The following KMT2E variants were observed in gnomAD, a reference collection of about 807,000 sequenced individuals.
KMT2E encodes lysine methyltransferase 2E (inactive), also known as histone reader KMT2E.
Under a neutral mutation model 184.6 loss-of-function variants are expected in KMT2E, and 30 were observed. That is an observed-to-expected ratio of 0.16 (90% CI 0.12 to 0.22). The LOEUF is 0.22. KMT2E is among the 10% of genes least tolerant of loss of function. The probability of loss-of-function intolerance (pLI) is 1.00; values close to 1 mark genes in which losing one functional copy is unlikely to be tolerated. For synonymous variants in KMT2E, 815 were observed against 776.5 expected, an observed-to-expected ratio of 1.05 and a Z score of -0.82; for missense variants, 2,023 against 2,237.4, an observed-to-expected ratio of 0.90 and a Z score of 1.93.
intron 5 of KMT2E, 40 bp from the exon 6 acceptor site, chr7:105,066,687 T>G (rs771217416): frequency 1.4e-6 from 2 of 1,470,354 alleles, no homozygotes; most frequent in Non-Finnish European, 1.9e-6. Context: ...TAAGGATGAC[T>G]TAAATAATAT....
intron 13 of KMT2E, among the ~76,000 whole-genome samples, chr7:105,082,390 G>A (rs932062891): frequency 3.9e-5 from 6 of 152,094 alleles, no homozygotes; most frequent in African/African-American, 1.4e-4. Flanking sequence ...AATAGCCTAC[G>A]GTTGACTGGA....
chr7:105,085,056 A>G (rs1351007340), intron 13 of KMT2E, among the ~76,000 whole-genome samples: 1 of 151,272 alleles, frequency 6.6e-6, no homozygotes, highest in East Asian at 1.9e-4. Flanking sequence ...TTTTTTTAAT[A>G]TTTCTAGGCT....
intron 24 of KMT2E, 31 bp downstream of exon 24, chr7:105,110,399 G>T (rs914210406): frequency 1.2e-6 from 2 of 1,613,790 alleles, no homozygotes; most frequent in Admixed American, 3.3e-5. Context: ...ACCAGAAAGT[G>T]GAATCAGTTA....
intron 12 of KMT2E, among the ~76,000 whole-genome samples, chr7:105,081,091 A>G (rs905925607): frequency 4.0e-5 from 6 of 151,520 alleles, no homozygotes; most frequent in Non-Finnish European, 5.9e-5. Flanking sequence ...GAAAAAAAAG[A>G]ATTGATGAGG....
At chr7:105,062,651 G>A (rs1796866322) in intron 4 of KMT2E, among the ~76,000 whole-genome samples, 1 of 151,452 alleles carries the variant, frequency 6.6e-6, no homozygotes, top group African/African-American at 2.4e-5. Flanking sequence ...AAATTTTATA[G>A]TTACCATTTA....
intron 8 of KMT2E, 25 bp downstream of exon 8, chr7:105,074,840 G>A: frequency 6.4e-7 from 1 of 1,565,478 alleles, no homozygotes; most frequent in Non-Finnish European, 8.7e-7. Context: ...GTTTTTAGGT[G>A]AGTGGATAGG....
intron 9 of KMT2E, 75 bp downstream of exon 9, chr7:105,076,156 T>G: frequency 9.9e-7 from 1 of 1,005,922 alleles, no homozygotes; most frequent in Non-Finnish European, 1.6e-6. Flanking sequence ...TGACCATATC[T>G]TTACTTAATG....
intron 13 of KMT2E, among the ~76,000 whole-genome samples, chr7:105,084,915 A>G (rs1797900691): frequency 6.6e-6 from 1 of 152,200 alleles, no homozygotes; most frequent in Non-Finnish European, 1.5e-5. Flanking sequence ...GGCACCATGT[A>G]AGGTCTGTAT....
chr7:105,039,044 G>A (rs1795779504), intron 2 of KMT2E: 1 of 152,146 alleles, frequency 6.6e-6, no homozygotes, highest in South Asian at 2.1e-4. Context: ...ATGTCATGTA[G>A]TCGTTTTTAA....
intron 5 of KMT2E, among the ~76,000 whole-genome samples, chr7:105,065,214 T>C (rs1011895255): frequency 4.6e-5 from 7 of 152,210 alleles, no homozygotes; most frequent in Admixed American, 2.0e-4. Flanking sequence ...CTACTACTTA[T>C]ACTCATCTCT....
chr7:105,110,528 C>T lies in KMT2E; in HGVS notation c.3896C>T (p.Pro1299Leu). 6.2e-7 allele frequency: 1 copy of T among 1,614,038 alleles called. No homozygotes were observed. The highest frequency in any genetic ancestry group is 1.1e-5 in the South Asian group (1 of 91,072). ...TCACCGAGTCATGTTCAGTCTTCAC[C>T]TTCATCTCATTCAAATCACATACCC... is the stretch of plus-strand genomic sequence containing the variant. ...SCSPSHVQSS[P>L]SSHSNHIPQL... Residue 1299 changes from proline (P) to leucine (L), a missense_variant, in exon 25 of 27, where the codon CCT becomes CTT. By Grantham distance (98) the Pro-to-Leu change is moderately conservative. This residue lies in a region of KMT2E where 1,108 missense variants were observed against 1,050.9 expected (regional missense o/e 1.05). Transcript: ENST00000311117.
intron 12 of KMT2E, 70 bp from the exon 13 acceptor site, chr7:105,081,618 A>G: frequency 2.5e-6 from 2 of 799,494 alleles, no homozygotes; most frequent in South Asian, 3.0e-5. Context: ...AATAATTTTC[A>G]AAATTGTAAG....
intron 3 of KMT2E, among the ~76,000 whole-genome samples, chr7:105,050,639 TTTTCTTTTTTC>T (rs1403690010): frequency 2.7e-4 from 23 of 86,282 alleles, no homozygotes; most frequent in Non-Finnish European, 3.6e-4. Flanking sequence ...TTCTTTTCTC[TTTTCTTTTTTC>T]TTTCTTTCTT....
intron 26 of KMT2E, 112 bp downstream of exon 26, chr7:105,110,980 T>G: frequency 1.4e-6 from 1 of 706,942 alleles, no homozygotes; most frequent in South Asian, 1.8e-5. Context: ...AACTTGTGAC[T>G]TCTGGACACT....
chr7:105,054,324 C>CTG (rs1049887430), intron 3 of KMT2E, among the ~76,000 whole-genome samples: 5 of 151,764 alleles, frequency 3.3e-5, no homozygotes, highest in Non-Finnish European at 2.9e-5. Context: ...TTGATGTACC[C>CTG]TGTGTTCTGT....
intron 1 of KMT2E, among the ~76,000 whole-genome samples, chr7:105,022,901 A>G (rs549649661): frequency 6.6e-6 from 1 of 152,242 alleles, no homozygotes; most frequent in African/African-American, 2.4e-5. Context: ...TGCTTTTTAA[A>G]TCACAACAAA....
chr7:105,077,537 A>G, intron 11 of KMT2E, 104 bp downstream of exon 11: 2 of 844,758 alleles, frequency 2.4e-6, no homozygotes, highest in Non-Finnish European at 3.8e-6. Context: ...TTCCTACATG[A>G]TCATTTCAGT....
At chr7:105,093,865 C>T (rs999028851) in intron 15 of KMT2E, among the ~76,000 whole-genome samples, 1 of 152,086 alleles carries the variant, frequency 6.6e-6, no homozygotes, top group Non-Finnish European at 1.5e-5. Context: ...CTGTCATCTG[C>T]CACTAAGGTG....
intron 1 of KMT2E, among the ~76,000 whole-genome samples, chr7:105,037,752 G>T (rs1795719028): frequency 6.6e-6 from 1 of 151,680 alleles, no homozygotes; most frequent in African/African-American, 2.4e-5. Context: ...TGCTTTTTTT[G>T]CCTTTTACTT....
Sources: gnomAD v4.1 joint callset for allele counts (sites outside exome capture counted in the v4.1 genomes callset) on GRCh38, gnomAD v4.1.1 for gene constraint, gnomAD v4.1.1 regional missense constraint, MANE v1.5 for transcripts, NCBI Gene and HGNC (gene_info 2026-07-23, HGNC 2026-07-21) for gene names.